The following NUMB variants were observed in gnomAD, a reference collection of about 807,000 sequenced individuals.
NUMB encodes protein numb homolog.
In NUMB, 29 loss-of-function variants were observed where a neutral mutation model predicts 59.7. That is an observed-to-expected ratio of 0.49 (90% CI 0.36 to 0.66). NUMB has a LOEUF of 0.66. NUMB is among the 30% of genes least tolerant of loss of function. The probability of loss-of-function intolerance (pLI) is 0.00; values close to 1 mark genes in which losing one functional copy is unlikely to be tolerated. For missense variants in NUMB, 723 were observed against 822.0 expected (o/e 0.88, Z 1.47); for synonymous variants, 288 against 288.2 (o/e 1.00, Z 0.01).
chr14:73,321,091 G>A (rs192622338), intron 5 of NUMB, among the ~76,000 whole-genome samples: 93 of 151,972 alleles, frequency 6.1e-4, no homozygotes, highest in Non-Finnish European at 1.0e-3. Context: ...ACAGGTAAGA[G>A]GATTAACTGC....
At chr14:73,423,966 CAAAAAAAAA>C (rs34582645) in intron 1 of NUMB, among the ~76,000 whole-genome samples, 1 of 74,300 alleles carries the variant, frequency 1.3e-5, no homozygotes, top group African/African-American at 4.7e-5. Flanking sequence ...ACCCTGTCTC[CAAAAAAAAA>C]AAAAAAAAAA....
intron 1 of NUMB, among the ~76,000 whole-genome samples, chr14:73,430,814 G>A (rs976084299): frequency 6.6e-6 from 1 of 151,788 alleles, no homozygotes; most frequent in Admixed American, 6.6e-5. Context: ...GTGTGGTGGC[G>A]GGCGCCTGTA....
chr14:73,415,695 TG>T (rs765402622), intron 1 of NUMB, among the ~76,000 whole-genome samples: 6 of 151,340 alleles, frequency 4.0e-5, no homozygotes, highest in Non-Finnish European at 7.4e-5. Context: ...TCGAACTCCC[TG>T]CCTCAAGTGA....
At chr14:73,399,129 C>T (rs972203652) in intron 2 of NUMB, among the ~76,000 whole-genome samples, 1 of 152,078 alleles carries the variant, frequency 6.6e-6, no homozygotes, top group African/African-American at 2.4e-5. Flanking sequence ...TAAATAGATT[C>T]ACAGCATAAT....
chr14:73,310,550 G>C (rs1890725384), intron 6 of NUMB, among the ~76,000 whole-genome samples: 1 of 152,130 alleles, frequency 6.6e-6, no homozygotes, highest in African/African-American at 2.4e-5. Flanking sequence ...CATCAACATG[G>C]GGTAGATGAA....
chr14:73,279,060 T>TCTGTTCCACAGTC (rs527436072), intron 12 of NUMB, among the ~76,000 whole-genome samples: 1 of 152,190 alleles, frequency 6.6e-6, no homozygotes, highest in African/African-American at 2.4e-5. Flanking sequence ...TGGGTGGGGC[T>TCTGTTCCACAGTC]CTGTTCCACA....
At chr14:73,458,461 C>G (rs1381529004) in intron 1 of NUMB, 32 bp downstream of exon 1, 1 of 152,954 alleles carries the variant, frequency 6.5e-6, no homozygotes, top group East Asian at 1.9e-4. Context: ...GCGACGGCCC[C>G]CAGATCTCTG....
chr14:73,418,933 A>G (rs1897240727), intron 1 of NUMB, among the ~76,000 whole-genome samples: 1 of 152,166 alleles, frequency 6.6e-6, no homozygotes, highest in Non-Finnish European at 1.5e-5. Flanking sequence ...CAGCACCCCT[A>G]TACAAGTCAT....
chr14:73,342,325 T>C (rs1182676221), intron 4 of NUMB, among the ~76,000 whole-genome samples: 6 of 152,252 alleles, frequency 3.9e-5, no homozygotes, highest in Non-Finnish European at 7.3e-5. Flanking sequence ...ATTTATTTCA[T>C]TGGTACTACA....
chr14:73,301,065 C>T (rs1232393459), intron 6 of NUMB, among the ~76,000 whole-genome samples: 2 of 152,214 alleles, frequency 1.3e-5, no homozygotes, highest in Non-Finnish European at 2.9e-5. Flanking sequence ...GGCAAGGTTT[C>T]TTCCATCTAT....
At chr14:73,350,078 T>TACACACAC (rs71112732) in intron 4 of NUMB, among the ~76,000 whole-genome samples, 23 of 137,758 alleles carry the variant, frequency 1.7e-4, no homozygotes, top group African/African-American at 2.9e-4. Flanking sequence ...CATACATACA[T>TACACACAC]ACACACACAC....
chr14:73,296,848 C>A (rs1889809417), intron 7 of NUMB, among the ~76,000 whole-genome samples: 1 of 152,068 alleles, frequency 6.6e-6, no homozygotes, highest in South Asian at 2.1e-4. Flanking sequence ...CATGGTGAAA[C>A]CCCGTATCTA....
intron 2 of NUMB, among the ~76,000 whole-genome samples, chr14:73,391,548 C>G (rs1430566235): frequency 6.6e-6 from 1 of 152,108 alleles, no homozygotes; most frequent in Admixed American, 6.5e-5. Flanking sequence ...CTATTTCAGA[C>G]AGCTGTGAGC....
At chr14:73,300,208 T>C (rs868664638) in intron 6 of NUMB, among the ~76,000 whole-genome samples, 12 of 152,142 alleles carry the variant, frequency 7.9e-5, no homozygotes, top group Middle Eastern at 3.4e-3. Context: ...AGAAGAGTAA[T>C]TTAGAGAACA....
intron 1 of NUMB, among the ~76,000 whole-genome samples, chr14:73,450,361 T>C (rs946937014): frequency 1.3e-5 from 2 of 152,246 alleles, no homozygotes; most frequent in Non-Finnish European, 1.5e-5. Flanking sequence ...CATTCTGTCA[T>C]GCTGCCTCTG....
At chr14:73,277,389 A>T in intron 12 of NUMB, 96 bp from the exon 13 acceptor site, 1 of 970,786 alleles carries the variant, frequency 1.0e-6, no homozygotes, top group Non-Finnish European at 1.5e-6. Flanking sequence ...CATGTACAAC[A>T]TGTCCCCCCC....
chr14:73,451,153 C>CAAAAA (rs1212863745), intron 1 of NUMB, among the ~76,000 whole-genome samples: 33 of 38,334 alleles, frequency 8.6e-4, no homozygotes, highest in African/African-American at 2.9e-3. Context: ...GACTCTGTCT[C>CAAAAA]AAAAAAAAAA....
chr14:73,280,430 A>G (rs1888542747), intron 11 of NUMB, among the ~76,000 whole-genome samples: 1 of 151,864 alleles, frequency 6.6e-6, no homozygotes, highest in South Asian at 2.1e-4. Context: ...AACTCACAGA[A>G]CATTTTTTAA....
At chr14:73,356,872 C>T (rs1893814985) in intron 3 of NUMB, 2 of 169,322 alleles carry the variant, frequency 1.2e-5, no homozygotes, top group Non-Finnish European at 2.4e-5. Flanking sequence ...TTTCTTTTTT[C>T]TTTTAAGTAG....
Sources: allele counts gnomAD v4.1 joint callset (sites outside exome capture counted in the v4.1 genomes callset), GRCh38; gene constraint gnomAD v4.1.1; transcripts MANE v1.5; gene names NCBI Gene and HGNC (gene_info 2026-07-23, HGNC 2026-07-21).